Variants in SPECC1 observed in about 807,000 individuals in gnomAD.
SPECC1 encodes the protein sperm antigen with calponin homology and coiled-coil domains 1.
A neutral mutation model predicts 104.1 loss-of-function variants in SPECC1; 62 were observed. The observed-to-expected ratio is 0.60, with a 90% CI of 0.49 to 0.74. The LOEUF is 0.74. Among genes scored for constraint, SPECC1 ranks in the 30% least tolerant of loss-of-function variants. SPECC1 has a pLI of 0.00. For missense variants in SPECC1, 1,306 were observed against 1,310.5 expected (o/e 1.00, Z 0.05); for synonymous variants, 513 against 501.6 (o/e 1.02, Z -0.30).
intron 1 of SPECC1, among the ~76,000 whole-genome samples, chr17:20,064,652 C>T (rs766501186): frequency 2.0e-5 from 3 of 152,126 alleles, no homozygotes; most frequent in Non-Finnish European, 4.4e-5. Flanking sequence ...ATTCACCTGG[C>T]ACCACAGTAT....
intron 10 of SPECC1, among the ~76,000 whole-genome samples, chr17:20,254,134 C>CGTGTGTGTGTGTGT (rs71357419): frequency 0.019 from 2,620 of 135,922 alleles, 88 homozygotes; most frequent in African/African-American, 0.052. Context: ...GTTGTTACAC[C>CGTGTGTGTGTGTGT]GTGTGTGTGT....
At chr17:20,098,852 C>T (rs937182159) in intron 2 of SPECC1, among the ~76,000 whole-genome samples, 7 of 152,336 alleles carry the variant, frequency 4.6e-5, no homozygotes, top group African/African-American at 1.7e-4. Context: ...CCCCTGCAGA[C>T]AGGGACTGTA....
chr17:20,091,667 T>C (rs1477703568), intron 1 of SPECC1, among the ~76,000 whole-genome samples: 1 of 152,186 alleles, frequency 6.6e-6, no homozygotes, highest in Non-Finnish European at 1.5e-5. Flanking sequence ...AACATGTGGT[T>C]CACTTACGTT....
intron 12 of SPECC1, among the ~76,000 whole-genome samples, chr17:20,276,448 G>C (rs768922121): frequency 2.0e-5 from 3 of 152,192 alleles, no homozygotes; most frequent in Non-Finnish European, 2.9e-5. Flanking sequence ...TTCTTAGTTG[G>C]TTGTTTCAGG....
At chr17:20,252,954 G>C (rs147574497) in intron 9 of SPECC1, among the ~76,000 whole-genome samples, 1 of 151,816 alleles carries the variant, frequency 6.6e-6, no homozygotes, top group African/African-American at 2.4e-5. Context: ...ACTGTTCTGC[G>C]TAATGGCTGC....
At chr17:20,201,108 T>C (rs1323628717) in intron 3 of SPECC1, among the ~76,000 whole-genome samples, 1 of 152,026 alleles carries the variant, frequency 6.6e-6, no homozygotes, top group African/African-American at 2.4e-5. Context: ...AACAGCAGAC[T>C]TGATCTGTTC....
At chr17:20,065,629 T>G (rs1276954043) in intron 1 of SPECC1, among the ~76,000 whole-genome samples, 1 of 152,226 alleles carries the variant, frequency 6.6e-6, no homozygotes, top group Non-Finnish European at 1.5e-5. Context: ...TGGGTTTTTA[T>G]GGAGGCTTCA....
intron 3 of SPECC1, among the ~76,000 whole-genome samples, chr17:20,192,103 AT>A (rs899339388): frequency 3.3e-5 from 5 of 151,562 alleles, no homozygotes; most frequent in African/African-American, 1.2e-4. Flanking sequence ...TGCCCAGCTA[AT>A]TTTTGATTTT....
chr17:20,239,045 A>G, intron 7 of SPECC1: 1 of 1,033,384 alleles, frequency 9.7e-7, no homozygotes, highest in Non-Finnish European at 1.2e-6. Flanking sequence ...TAAGTTGTAA[A>G]TAGGAGGTTG....
At chr17:20,185,141 T>C (rs919545409) in intron 3 of SPECC1, 1 of 152,254 alleles carries the variant, frequency 6.6e-6, no homozygotes, top group Admixed American at 6.5e-5. Flanking sequence ...TAAAAATCTG[T>C]CTTGTCATCC....
chr17:20,038,109 T>C (rs2045165787), intron 1 of SPECC1, among the ~76,000 whole-genome samples: 1 of 152,146 alleles, frequency 6.6e-6, no homozygotes. Flanking sequence ...TCTTCTTTCT[T>C]TTTTGTTTGT....
chr17:20,187,304 A>G (rs1045297345), intron 3 of SPECC1, among the ~76,000 whole-genome samples: 3 of 152,208 alleles, frequency 2.0e-5, no homozygotes, highest in Non-Finnish European at 4.4e-5. Flanking sequence ...GTCTTCTCCC[A>G]GGAATTCTCT....
chr17:20,301,253 G>A (rs2041569376), intron 13 of SPECC1, among the ~76,000 whole-genome samples: 1 of 152,144 alleles, frequency 6.6e-6, no homozygotes, highest in South Asian at 2.1e-4. Context: ...AGAGGGGAAA[G>A]AGCAGGAAAG....
intron 12 of SPECC1, among the ~76,000 whole-genome samples, chr17:20,295,387 CA>C (rs2041316043): frequency 6.6e-6 from 1 of 152,088 alleles, no homozygotes; most frequent in Non-Finnish European, 1.5e-5. Context: ...CGATGGTGTA[CA>C]TGTGCCACAT....
intron 3 of SPECC1, among the ~76,000 whole-genome samples, chr17:20,157,608 C>T (rs1487484262): frequency 6.6e-6 from 1 of 152,068 alleles, no homozygotes; most frequent in Non-Finnish European, 1.5e-5. Context: ...TGTATTATTT[C>T]CTTTGTGTTA....
intron 4 of SPECC1, among the ~76,000 whole-genome samples, chr17:20,207,272 C>T (rs565975160): frequency 1.3e-5 from 2 of 152,260 alleles, no homozygotes; most frequent in Admixed American, 1.3e-4. Context: ...GCAATTTGGC[C>T]ATCTGATGAG....
chr17:20,084,075 C>T (rs2047083652), intron 1 of SPECC1, among the ~76,000 whole-genome samples: 1 of 152,028 alleles, frequency 6.6e-6, no homozygotes, highest in Admixed American at 6.6e-5. Flanking sequence ...TTTTTATTGC[C>T]TTGTGCAGTT....
At chr17:20,097,160 T>C (rs2047689825) in intron 2 of SPECC1, among the ~76,000 whole-genome samples, 2 of 152,162 alleles carry the variant, frequency 1.3e-5, no homozygotes, top group Admixed American at 1.3e-4. Flanking sequence ...AAGCCCCTCT[T>C]ACTGGACCCC....
intron 12 of SPECC1, among the ~76,000 whole-genome samples, chr17:20,273,640 T>A (rs1344230388): frequency 6.6e-6 from 1 of 152,136 alleles, no homozygotes; most frequent in Non-Finnish European, 1.5e-5. Context: ...TAAACAGATC[T>A]CCAACCCATT....
Sources: allele counts gnomAD v4.1 joint callset (sites outside exome capture counted in the v4.1 genomes callset), GRCh38; gene constraint gnomAD v4.1.1; transcripts MANE v1.5; gene names NCBI Gene and HGNC (gene_info 2026-07-23, HGNC 2026-07-21).